Variants in TNFSF14 observed in about 807,000 individuals in gnomAD.
TNFSF14 encodes the protein tumor necrosis factor ligand superfamily member 14.
TNFSF14 carries 15 observed loss-of-function variants against 22.7 expected under a neutral mutation model. The ratio of observed to expected loss-of-function variants is 0.66; its 90% confidence interval spans 0.44 to 1.02. The LOEUF (loss-of-function observed/expected upper bound fraction) is 1.02, where lower values mean the gene tolerates loss of function less well. Among genes scored for constraint, TNFSF14 ranks in the 50% least tolerant of loss-of-function variants. The pLI is 0.00. For synonymous variants in TNFSF14, 133 were observed against 139.6 expected (o/e 0.95, Z 0.33); for missense variants, 287 against 326.2 (o/e 0.88, Z 0.93).
intron 1 of TNFSF14, among the ~76,000 whole-genome samples, chr19:6,668,568 C>T (rs1036317982): frequency 3.8e-4 from 57 of 151,850 alleles, no homozygotes; most frequent in Non-Finnish European, 7.9e-4. Flanking sequence ...TAGCCAGGCA[C>T]GGTGGCGGAT....
chr19:6,670,278 A>G, upstream of TNFSF14: 1 of 1,415,406 alleles, frequency 7.1e-7, no homozygotes, highest in South Asian at 1.5e-5. Flanking sequence ...TCTCACTCTC[A>G]CTCATACAGA....
At chr19:6,670,337 G>A (rs1599490530), upstream of TNFSF14, 1 of 1,218,902 alleles carries the variant, frequency 8.2e-7, no homozygotes, top group Non-Finnish European at 1.1e-6. Context: ...GGTGGCAAGT[G>A]CAGTGGGGAG....
At position 6,665,068 on chromosome 19, in the gene TNFSF14, G is replaced by A; in HGVS notation, c.581C>T (p.Ser194Phe). The change falls in exon 4 of 4, where the codon TCC becomes TTC. Residue 194 changes from serine (S) to phenylalanine (F), a missense_variant. Coordinates refer to ENST00000675206, the MANE Select transcript of TNFSF14 (RefSeq NM_001376887.1). ...QSPCGRATSS[S>F]RVWWDSSFLG... ...GAAGCTGCTGTCCCACCAGACCCGG[G>A]AGCTGCTGGTGGCCCGTCCGCAGGG... 1 of 1,614,124 alleles carries A rather than the reference G, an allele frequency of 6.2e-7. No homozygotes were observed. The highest frequency in any genetic ancestry group is 8.5e-7 in the Non-Finnish European group (1 of 1,179,974).
chr19:6,669,718 C>T, intron 1 of TNFSF14, 133 bp downstream of exon 1: 1 of 1,400,416 alleles, frequency 7.1e-7, no homozygotes, highest in Non-Finnish European at 9.5e-7. Context: ...GCCAGCTGCT[C>T]TCAGCCTGTG....
Position 6,665,281 on chromosome 19 carries a change from A to G in TNFSF14, c.368T>C (p.Leu123Pro). ...LWETQLGLAFLRGLSYHDGAL... is the reference protein window; with the variant it reads ...LWETQLGLAFPRGLSYHDGAL... ...CCCATCGTGGTAGCTGAGGCCCCTC[A>G]GGAAGGCCAGGCCCAGCTGAGTCTC... is the stretch of plus-strand genomic sequence containing the variant. The change falls in exon 4 of 4, where the codon CTG becomes CCG. Residue 123 changes from leucine to proline, a missense_variant. Physicochemically the swap from Leu to Pro is moderately conservative, Grantham distance 98. Transcript: ENST00000675206. 6.2e-7 allele frequency: 1 copy of G among 1,613,014 alleles called. No individual in the cohort carries two copies. Among genetic ancestry groups the G allele is most frequent in the Non-Finnish European group, 8.5e-7 (1 of 1,179,728 alleles).
At chr19:6,667,038 T>C (rs1599487340) in intron 3 of TNFSF14, 75 bp downstream of exon 3, 1 of 1,525,562 alleles carries the variant, frequency 6.6e-7, no homozygotes, top group Non-Finnish European at 9.0e-7. Context: ...AATACACTGA[T>C]ATGTATGGCG....
rs769318404 is a variant in TNFSF14 at position 6,669,880 on chromosome 19, G to A, written c.190C>T (p.Arg64Cys). The stretch of plus-strand genomic sequence containing the variant: ...AGGCGGGTGACCATCTCTCCTAGAC[G>A]CCAGTGCAGCTGCAGGAGGAACCAG... ...QGWFLLQLHW[R>C]LGEMVTRLPD... is the part of the protein sequence containing the mutation. The change falls in exon 1 of 4, where the codon CGT becomes TGT. Residue 64 changes from arginine to cysteine, a missense_variant. Physicochemically the swap from Arg to Cys is radical, Grantham distance 180. Coordinates refer to ENST00000675206, the MANE Select transcript of TNFSF14 (RefSeq NM_001376887.1). 11 of 1,612,978 alleles carry A rather than the reference G, an allele frequency of 6.8e-6. No individual in the cohort carries two copies. The highest frequency in any genetic ancestry group is 3.3e-5 in the South Asian group (3 of 91,050).
chr19:6,666,935 TA>T (rs1376617289), intron 3 of TNFSF14, among the ~76,000 whole-genome samples, 177 bp downstream of exon 3: 2 of 145,144 alleles, frequency 1.4e-5, no homozygotes, highest in African/African-American at 2.5e-5. Flanking sequence ...TAAATAGAAA[TA>T]AAAAATAATA....
chr19:6,666,117 G>T (rs931095709), intron 3 of TNFSF14, among the ~76,000 whole-genome samples: 1 of 152,088 alleles, frequency 6.6e-6, no homozygotes, highest in Non-Finnish European at 1.5e-5. Context: ...ACTTGGCTGG[G>T]TGTGGCGTCT....
At position 6,669,815 on chromosome 19, in the gene TNFSF14, A is replaced by G. The variant is rs200506579; in HGVS notation, c.219+36T>C. 2.9e-5 allele frequency: 47 copies of G among 1,600,866 alleles called. No individual in the cohort carries two copies. In the African/African-American group the frequency reaches 4.9e-4, roughly 17 times the overall value. On this transcript the variant is annotated intron_variant, in intron 1 of 3. Coordinates refer to ENST00000675206, the MANE Select transcript of TNFSF14 (RefSeq NM_001376887.1). ...ACAATGACACAGGGGAGCCCCCCTC[A>G]CCTCCACCTGCTCTCAGCCCCCCGG...
chr19:6,663,358 G>A lies in TNFSF14; in HGVS notation c.*1568C>T, dbSNP rs1477271134. The A allele has an allele frequency of 6.6e-6, 1 of 151,764 alleles. No homozygotes were observed. The highest frequency in any genetic ancestry group is 1.5e-5 in the Non-Finnish European group (1 of 68,048). 9.4% of individuals were successfully genotyped at this position (151,764 alleles called of 1,614,324 possible). A position where few individuals can be genotyped will look rare whatever the true frequency, so the allele number is the denominator to read the frequency against. ...TGTGTGTAATGTTGTGTTTGTCATTGTGATGTGTGTGTAATGTGTGTTTGT... is the reference window on the plus strand; with the variant it reads ...TGTGTGTAATGTTGTGTTTGTCATTATGATGTGTGTGTAATGTGTGTTTGT... On this transcript the variant is annotated 3_prime_UTR_variant, in exon 4 of 4. Coordinates refer to ENST00000675206, the MANE Select transcript of TNFSF14 (RefSeq NM_001376887.1).
intron 1 of TNFSF14, 96 bp downstream of exon 1, chr19:6,669,754 AC>A: frequency 1.3e-6 from 2 of 1,519,102 alleles, no homozygotes; most frequent in South Asian, 2.5e-5. Context: ...ACACACACAC[AC>A]ACACACACAC....
intron 2 of TNFSF14, 106 bp from the exon 3 acceptor site, chr19:6,667,260 G>A (rs989125354): frequency 6.9e-6 from 10 of 1,441,060 alleles, no homozygotes; most frequent in Non-Finnish European, 9.2e-6. Flanking sequence ...CACCCCTTCC[G>A]GAGTGACCCA....
chr19:6,669,244 G>C (rs1917521670), intron 1 of TNFSF14, among the ~76,000 whole-genome samples: 2 of 152,344 alleles, frequency 1.3e-5, no homozygotes, highest in Admixed American at 1.3e-4. Flanking sequence ...AGCACTTTGG[G>C]AGGCTGAGGC....
chr19:6,665,784 C>CGTGTGTGT (rs35598085), intron 3 of TNFSF14, among the ~76,000 whole-genome samples: 65 of 140,668 alleles, frequency 4.6e-4, no homozygotes, highest in African/African-American at 1.6e-3. Flanking sequence ...TGCATGTGTG[C>CGTGTGTGT]GTGTGTGTGT....
intron 3 of TNFSF14, 48 bp downstream of exon 3, chr19:6,667,065 G>A (rs542346038): frequency 5.0e-5 from 81 of 1,605,386 alleles, no homozygotes; most frequent in East Asian, 6.8e-5. Flanking sequence ...TGGTCTTCCC[G>A]AGACGCCCTG....
chr19:6,664,459 G>A lies in TNFSF14; in HGVS notation c.*467C>T, dbSNP rs1917342780. 1 of 154,490 alleles carries A rather than the reference G, an allele frequency of 6.5e-6. No individual in the cohort carries two copies. The highest frequency in any genetic ancestry group is 2.4e-5 in the African/African-American group (1 of 41,452). The allele number at this position is 154,490 out of a possible 1,614,324, so 9.6% of individuals were successfully genotyped here. On this transcript the variant is annotated 3_prime_UTR_variant, in exon 4 of 4. Transcript: ENST00000675206. This position sits in a 1 kb window ranked among gnomAD's most constrained non-coding sequence, Gnocchi z 4.7. Reference sequence around the variant, plus strand: ...TGCTGGGGCTTCATCTCGCCTTGGTGGTGCCCACTGAGCTCTCCGCCTTTG... The same window carrying A: ...TGCTGGGGCTTCATCTCGCCTTGGTAGTGCCCACTGAGCTCTCCGCCTTTG...
At position 6,664,759 on chromosome 19, in the gene TNFSF14, C is replaced by G. The variant is rs914975921; in HGVS notation, c.*167G>C. ...TTTGCCATGTTAGCCAGGCTGGTCTCGAACTCCTGACCTCAGGTGATCCGC... is the reference window on the plus strand; with the variant it reads ...TTTGCCATGTTAGCCAGGCTGGTCTGGAACTCCTGACCTCAGGTGATCCGC... On this transcript the variant is annotated 3_prime_UTR_variant, in exon 4 of 4. Coordinates refer to ENST00000675206, the MANE Select transcript of TNFSF14 (RefSeq NM_001376887.1). This position sits in a 1 kb window ranked among gnomAD's most constrained non-coding sequence, Gnocchi z 4.7. 2 of 777,648 alleles carry G rather than the reference C, an allele frequency of 2.6e-6. No homozygotes were observed. The highest frequency in any genetic ancestry group is 2.0e-6 in the Non-Finnish European group (1 of 499,068). 48.2% of individuals were successfully genotyped at this position (777,648 alleles called of 1,614,324 possible). A position where few individuals can be genotyped will look rare whatever the true frequency, so the allele number is the denominator to read the frequency against.
intron 1 of TNFSF14, among the ~76,000 whole-genome samples, chr19:6,668,102 C>T (rs1251471478): frequency 2.0e-5 from 3 of 152,248 alleles, no homozygotes; most frequent in Non-Finnish European, 4.4e-5. Context: ...TGGCTTACAC[C>T]TGTAATCCCA....
Sources: allele counts gnomAD v4.1 joint callset (sites outside exome capture counted in the v4.1 genomes callset), GRCh38; gene constraint gnomAD v4.1.1; non-coding constraint Gnocchi (gnomAD v3.1); transcripts MANE v1.5; gene names NCBI Gene and HGNC (gene_info 2026-07-23, HGNC 2026-07-21).